RNF111: variants seen among roughly 807,000 people sequenced by gnomAD.
The protein encoded by RNF111 is E3 ubiquitin-protein ligase Arkadia.
A neutral mutation model predicts 95.1 loss-of-function variants in RNF111; 17 were observed. The ratio of observed to expected loss-of-function variants is 0.18; its 90% CI spans 0.12 to 0.27. RNF111 has a LOEUF of 0.27. RNF111 is among the 10% of genes least tolerant of loss of function. The pLI, the probability that RNF111 is intolerant of heterozygous loss-of-function variation, is 1.00. For missense variants in RNF111, 1,189 were observed against 1,210.4 expected (o/e 0.98, Z 0.26); for synonymous variants, 440 against 414.8 (o/e 1.06, Z -0.74).
intron 3 of RNF111, 137 bp downstream of exon 3, chr15:59,052,568 G>GTTTTT: frequency 2.5e-6 from 1 of 407,368 alleles, no homozygotes; most frequent in Non-Finnish European, 4.0e-6. Context: ...CAGATTAGTG[G>GTTTTT]ATTTTTTTTT....
chr15:59,039,235 A>AT (rs559142867), intron 2 of RNF111, among the ~76,000 whole-genome samples: 228 of 152,266 alleles, frequency 1.5e-3, no homozygotes, highest in African/African-American at 5.4e-3. Flanking sequence ...AAGTGCTGGG[A>AT]TTACAGGTGT....
intron 2 of RNF111, among the ~76,000 whole-genome samples, chr15:59,046,068 C>T (rs977912924): frequency 4.6e-5 from 7 of 152,034 alleles, no homozygotes; most frequent in Non-Finnish European, 1.0e-4. Context: ...AATAACATTT[C>T]GCAAATATTC....
intron 6 of RNF111, among the ~76,000 whole-genome samples, chr15:59,073,478 C>T (rs1357289014): frequency 3.9e-4 from 49 of 125,220 alleles, no homozygotes; most frequent in African/African-American, 1.8e-3. Context: ...GAGACACCAT[C>T]TCCAAAAAAA....
intron 1 of RNF111, among the ~76,000 whole-genome samples, chr15:59,008,702 C>T (rs1296225307): frequency 4.6e-5 from 7 of 152,112 alleles, no homozygotes; most frequent in Non-Finnish European, 1.0e-4. Flanking sequence ...GTTTGTCCCA[C>T]CTGTCCCTTT....
intron 8 of RNF111, chr15:59,083,900 T>C (rs2078821659): frequency 3.8e-6 from 1 of 260,782 alleles, no homozygotes; most frequent in Non-Finnish European, 6.9e-6. Context: ...GATATTTGAA[T>C]TGGAAGCATT....
intron 2 of RNF111, among the ~76,000 whole-genome samples, chr15:59,051,738 C>T (rs575354095): frequency 1.3e-5 from 2 of 151,812 alleles, no homozygotes; most frequent in South Asian, 4.2e-4. Flanking sequence ...TCCCACTGCA[C>T]TCCAGCCTGG....
intron 5 of RNF111, among the ~76,000 whole-genome samples, chr15:59,064,981 G>A (rs1278036057): frequency 2.0e-5 from 3 of 151,856 alleles, no homozygotes; most frequent in East Asian, 1.9e-4. Context: ...AAGCTGTTTT[G>A]GTTGGATTTT....
At chr15:59,044,977 CAATAG>C (rs2041638451) in intron 2 of RNF111, among the ~76,000 whole-genome samples, 1 of 151,986 alleles carries the variant, frequency 6.6e-6, no homozygotes, top group South Asian at 2.1e-4. Context: ...GATGTTTAAG[CAATAG>C]AATAAGAGTG....
At chr15:59,041,033 CAA>C (rs2041423051) in intron 2 of RNF111, among the ~76,000 whole-genome samples, 1 of 152,026 alleles carries the variant, frequency 6.6e-6, no homozygotes, top group Non-Finnish European at 1.5e-5. Flanking sequence ...TTCTCTTACT[CAA>C]AAGTGTCTCT....
At chr15:59,030,762 A>G (rs1023369779) in intron 1 of RNF111, 42 bp from the exon 2 acceptor site, 2 of 1,367,936 alleles carry the variant, frequency 1.5e-6, no homozygotes, top group Admixed American at 2.3e-5. Context: ...AGTATAATAA[A>G]ACACATTAAA....
rs771552472 is a variant in RNF111 at position 59,030,847 on chromosome 15, A to C, written c.25A>C (p.Asn9His). The change falls in exon 2 of 14, where the codon AAC becomes CAC. Residue 9 changes from asparagine to histidine, a missense_variant. This residue lies in a region of RNF111 where 1,024 missense variants were observed against 925.9 expected (regional missense o/e 1.11). Transcript: ENST00000348370. ...CATGTCTCAATGGACTCCTGAATAT[A>C]ACGAGCTCTACACCTTAAAAGTGGA... is the stretch of plus-strand genomic sequence containing the variant. MSQWTPEY[N>H]ELYTLKVDMK... The C allele has an allele frequency of 1.2e-5, 20 of 1,604,430 alleles. No individual in the cohort carries two copies. Among genetic ancestry groups the C allele is most frequent in the Non-Finnish European group, 1.7e-5 (20 of 1,174,718 alleles).
intron 1 of RNF111, among the ~76,000 whole-genome samples, chr15:59,026,018 C>T (rs563725527): frequency 6.6e-6 from 1 of 151,518 alleles, no homozygotes; most frequent in South Asian, 2.1e-4. Flanking sequence ...GCGTGAGCCA[C>T]TGTGCCCGGC....
chr15:59,043,090 A>T (rs777428251), intron 2 of RNF111, among the ~76,000 whole-genome samples: 2 of 151,952 alleles, frequency 1.3e-5, no homozygotes, highest in Non-Finnish European at 2.9e-5. Context: ...ATTGAGGTAT[A>T]ATTAACTACT....
chr15:59,043,217 C>T (rs1458520982), intron 2 of RNF111, among the ~76,000 whole-genome samples: 5 of 150,332 alleles, frequency 3.3e-5, no homozygotes, highest in Non-Finnish European at 4.4e-5. Flanking sequence ...TGCAGTGGTG[C>T]GATCTCCGCT....
chr15:59,084,236 C>A lies in RNF111; in HGVS notation c.2405C>A (p.Ala802Asp), dbSNP rs2078832378. ...ACTATGTCCTCACATCCTCGACAGG[C>A]TCCAGAGAGGTCTGCCTGGTCAGTA... ...PQTMSSHPRQ[A>D]PERSAWELGI... Residue 802 changes from alanine to aspartate, a missense_variant, in exon 9 of 14, where the codon GCT becomes GAT. Physicochemically the swap from Ala to Asp is moderately radical, Grantham distance 126. Transcript: ENST00000348370. The A allele has an allele frequency of 4.4e-6, 7 of 1,590,812 alleles. No homozygotes were observed. The highest frequency in any genetic ancestry group is 6.0e-6 in the Non-Finnish European group (7 of 1,169,012).
In RNF111 at chr15:59,051,909, ATAAAGC is replaced by A. The variant is rs539240053; in HGVS notation, c.881-393_881-388del. On this transcript the variant is annotated intron_variant, in intron 2 of 13. Coordinates refer to ENST00000348370, the MANE Select transcript of RNF111 (RefSeq NM_017610.8). Reference sequence around the variant, plus strand: ...AAATGAAAACAACCTTGGAAAAAACATAAAGCTATTGTAATTACTTTGAGCTATTAA... The same window carrying A: ...AAATGAAAACAACCTTGGAAAAAACATATTGTAATTACTTTGAGCTATTAA... Among the ~76,000 whole-genome samples, 578 of 152,294 alleles carry A rather than the reference ATAAAGC, an allele frequency of 3.8e-3. 3 individuals are homozygous for A. Among genetic ancestry groups the A allele is most frequent in the African/African-American group, 0.013 (552 of 41,566 alleles).
intron 1 of RNF111, among the ~76,000 whole-genome samples, chr15:59,018,326 T>C (rs542864593): frequency 3.4e-4 from 52 of 152,234 alleles, no homozygotes; most frequent in Non-Finnish European, 6.5e-4. Context: ...ATTCTGTCAT[T>C]AAGGTGTCCA....
At chr15:59,092,850 A>G (rs1041158812) in intron 13 of RNF111, among the ~76,000 whole-genome samples, 6 of 152,188 alleles carry the variant, frequency 3.9e-5, no homozygotes, top group Non-Finnish European at 8.8e-5. Flanking sequence ...AAATAGTACA[A>G]TTATTTGCAT....
intron 1 of RNF111, among the ~76,000 whole-genome samples, chr15:59,018,227 C>CT (rs2040164319): frequency 6.6e-6 from 1 of 152,144 alleles, no homozygotes; most frequent in Non-Finnish European, 1.5e-5. Flanking sequence ...GATTTGTAGA[C>CT]TAACATCAGT....
Sources: allele counts gnomAD v4.1 joint callset (sites outside exome capture counted in the v4.1 genomes callset), GRCh38; gene constraint gnomAD v4.1.1; regional missense constraint gnomAD v4.1.1; transcripts MANE v1.5; gene names NCBI Gene and HGNC (gene_info 2026-07-23, HGNC 2026-07-21).